PRKCQ: variants seen among roughly 807,000 people sequenced by gnomAD.
PRKCQ encodes the protein protein kinase C theta type.
PRKCQ carries 41 observed loss-of-function variants against 91.2 expected under a neutral mutation model. The ratio of observed to expected loss-of-function variants is 0.45; its 90% CI spans 0.35 to 0.58. The LOEUF is 0.58. PRKCQ is among the 20% of genes least tolerant of loss of function. The probability of loss-of-function intolerance (pLI) is 0.00; values close to 1 mark genes in which losing one functional copy is unlikely to be tolerated. For synonymous variants in PRKCQ, 307 were observed against 316.9 expected (o/e 0.97, Z 0.33); for missense variants, 673 against 896.5 (o/e 0.75, Z 3.18).
chr10:6,523,642 A>C (rs931133712), intron 1 of PRKCQ, among the ~76,000 whole-genome samples: 1 of 152,274 alleles, frequency 6.6e-6, no homozygotes, highest in Non-Finnish European at 1.5e-5. Flanking sequence ...ACTTTCCCCC[A>C]AAAAACCAAC....
At position 6,576,388 on chromosome 10, in the gene PRKCQ, C is replaced by T. The variant is rs1841238392; in HGVS notation, c.-10+3823G>A. Among the ~76,000 whole-genome samples, 1 of 152,196 alleles carries T rather than the reference C, an allele frequency of 6.6e-6. No homozygotes were observed. The highest frequency in any genetic ancestry group is 2.4e-5 in the African/African-American group (1 of 41,448). ...GACTTAAAAAGGAAGGAAGTCCTGTCCAATGCTGTCACATGGATACAGCTT... is the reference window on the plus strand; with the variant it reads ...GACTTAAAAAGGAAGGAAGTCCTGTTCAATGCTGTCACATGGATACAGCTT... On this transcript the variant is annotated intron_variant, in intron 1 of 17. Transcript: ENST00000263125. This position sits in a 1 kb window ranked among gnomAD's most constrained non-coding sequence, Gnocchi z 4.2.
chr10:6,418,632 G>A, the PRKCQ span, among the ~76,000 whole-genome samples: 1 of 152,164 alleles, frequency 6.6e-6, no homozygotes, highest in Non-Finnish European at 1.5e-5. Context: ...GGACCATAGA[G>A]TCAGAGGGAA....
rs777090210 is a variant in PRKCQ at position 6,456,808 on chromosome 10, G to A, written c.1513C>T (p.Leu505=). Residue 505 remains leucine, a synonymous_variant, in exon 15 of 18, where the codon CTG becomes TTG. Transcript: ENST00000263125. ...TCTAACAGGATGTTATCTAGCTTCA[G>A]GTCCCTGAAAAACAAAAGTGAAGCA... ...LHSKGIVYRD[L]KLDNILLDKD... is the part of the protein sequence containing the mutation. 1.2e-6 allele frequency: 2 copies of A among 1,613,576 alleles called. No homozygotes were observed. The highest frequency in any genetic ancestry group is 2.2e-5 in the South Asian group (2 of 90,962).
At chr10:6,514,868 G>A (rs1838672531) in intron 2 of PRKCQ, 150 bp downstream of exon 2, 1 of 1,315,876 alleles carries the variant, frequency 7.6e-7, no homozygotes, top group African/African-American at 1.5e-5. Flanking sequence ...CCATGAGGAA[G>A]TCCTTGGCTT....
At chr10:6,560,301 TG>T (rs1474576283) in intron 1 of PRKCQ, among the ~76,000 whole-genome samples, 1 of 152,128 alleles carries the variant, frequency 6.6e-6, no homozygotes, top group Non-Finnish European at 1.5e-5. Context: ...GAGAACTTTC[TG>T]GAGTATTTTG....
chr10:6,455,788 TG>T (rs1000337198), intron 15 of PRKCQ, among the ~76,000 whole-genome samples: 3 of 152,190 alleles, frequency 2.0e-5, no homozygotes, highest in Non-Finnish European at 4.4e-5. Context: ...ATGTGACCAC[TG>T]GGGGAAACTG....
In PRKCQ at chr10:6,478,995, G is replaced by A. The variant is rs763627120; in HGVS notation, c.1350C>T (p.Thr450=). Reference sequence around the variant, plus strand: ...GTTGTCGGAGCAGAAGCCATACCTTGGTCTGGAATGTACAAAACATGTGCG... The same window carrying A: ...GTTGTCGGAGCAGAAGCCATACCTTAGTCTGGAATGTACAAAACATGTGCG... ...FLTHMFCTFQ[T]KENLFFVMEY... Residue 450 remains threonine, a synonymous_variant, in exon 12 of 18, where the codon ACC becomes ACT. Transcript: ENST00000263125. 1.2e-6 allele frequency: 2 copies of A among 1,614,032 alleles called. No individual in the cohort carries two copies. Among genetic ancestry groups the A allele is most frequent in the Admixed American group, 3.3e-5 (2 of 60,016 alleles).
In PRKCQ at chr10:6,497,680, T is replaced by C. The variant is rs918709703; in HGVS notation, c.543-429A>G. ...TATTTGCAACCAACAAAGTCTCACA[T>C]GCAGGACCGATTCCTGAGTGACATC... is the stretch of plus-strand genomic sequence containing the variant. On this transcript the variant is annotated intron_variant, in intron 5 of 17. Transcript: ENST00000263125. The surrounding 1 kb of genome is among the most constrained non-coding windows in gnomAD (Gnocchi z 4.5). Among the ~76,000 whole-genome samples, 31 of 152,208 alleles carry C rather than the reference T, an allele frequency of 2.0e-4. No individual in the cohort carries two copies. Among genetic ancestry groups the C allele is most frequent in the Middle Eastern group, 3.2e-3 (1 of 316 alleles).
In PRKCQ at chr10:6,498,535, CA is replaced by C; in HGVS notation, c.402del (p.Phe134LeufsTer50). 4.3e-6 allele frequency: 7 copies of C among 1,614,102 alleles called. No homozygotes were observed. The highest frequency in any genetic ancestry group is 5.9e-6 in the Non-Finnish European group (7 of 1,179,998). On this transcript the variant is annotated frameshift_variant, in exon 5 of 18. Coordinates refer to ENST00000263125, the MANE Select transcript of PRKCQ (RefSeq NM_006257.5). LOFTEE classifies it high-confidence loss of function. The stretch of plus-strand genomic sequence containing the variant: ...TGCAAAGCAAAGAAGCCTTCCGTCT[CA>C]AATTCATTCATGTCCTTTGTGTCTA... ...EMSDTKDMNE[F>X]ETEGFFALHQ...
intron 11 of PRKCQ, among the ~76,000 whole-genome samples, chr10:6,482,468 GA>G (rs1836657646): frequency 1.3e-5 from 2 of 152,258 alleles, no homozygotes; most frequent in South Asian, 4.1e-4. Flanking sequence ...TGCACAGGAG[GA>G]AGATGATATG....
chr10:6,564,466 C>T (rs1840762542), intron 1 of PRKCQ, among the ~76,000 whole-genome samples: 2 of 152,102 alleles, frequency 1.3e-5, no homozygotes, highest in Non-Finnish European at 2.9e-5. Flanking sequence ...TTGATCTTGC[C>T]TGGCCCGTGA....
At chr10:6,544,775 C>G (rs559292031) in intron 1 of PRKCQ, among the ~76,000 whole-genome samples, 1 of 152,034 alleles carries the variant, frequency 6.6e-6, no homozygotes, top group Non-Finnish European at 1.5e-5. Flanking sequence ...CACGTACCAC[C>G]GCACCTGGCT....
At chr10:6,496,932 G>T in intron 7 of PRKCQ, 103 bp downstream of exon 7, 2 of 1,021,962 alleles carry the variant, frequency 2.0e-6, no homozygotes, top group Non-Finnish European at 3.1e-6. Flanking sequence ...ACTGATAAAT[G>T]GGAGGATGCA....
At chr10:6,410,569 G>A in the PRKCQ span, among the ~76,000 whole-genome samples, 7 of 152,280 alleles carry the variant, frequency 4.6e-5, no homozygotes, top group African/African-American at 1.7e-4. Context: ...ATGCACAGGG[G>A]CATCTGGGTT....
chr10:6,550,958 T>A (rs992848547), intron 1 of PRKCQ, among the ~76,000 whole-genome samples: 2 of 152,220 alleles, frequency 1.3e-5, no homozygotes, highest in African/African-American at 4.8e-5. Flanking sequence ...GGATTATAAT[T>A]TGTATTTGCT....
chr10:6,487,480 T>A (rs1260295561), intron 8 of PRKCQ, among the ~76,000 whole-genome samples: 2 of 152,138 alleles, frequency 1.3e-5, no homozygotes, highest in Non-Finnish European at 2.9e-5. Flanking sequence ...GGGCTCCCGA[T>A]TAAGGATCTC....
intron 8 of PRKCQ, chr10:6,489,302 A>C (rs1688083045): frequency 2.1e-6 from 1 of 471,392 alleles, no homozygotes; most frequent in Non-Finnish European, 4.4e-6. Flanking sequence ...GCTCCTTAAA[A>C]CTGTAGCCAC....
At chr10:6,560,897 G>A (rs1396825551) in intron 1 of PRKCQ, among the ~76,000 whole-genome samples, 2 of 152,058 alleles carry the variant, frequency 1.3e-5, no homozygotes, top group Non-Finnish European at 2.9e-5. Context: ...AAATTAGCCA[G>A]GCGTGGTGGT....
the PRKCQ span, among the ~76,000 whole-genome samples, chr10:6,413,917 C>T: frequency 1.3e-5 from 2 of 152,338 alleles, no homozygotes; most frequent in South Asian, 4.1e-4. Context: ...GTAACAGGAA[C>T]TGGATTTGCC....
Sources: gnomAD v4.1 joint callset for allele counts (sites outside exome capture counted in the v4.1 genomes callset) on GRCh38, gnomAD v4.1.1 for gene constraint, Gnocchi (gnomAD v3.1) non-coding constraint, MANE v1.5 for transcripts, NCBI Gene and HGNC (gene_info 2026-07-23, HGNC 2026-07-21) for gene names.